The following ITPR3 variants were observed in gnomAD, a reference collection of about 807,000 sequenced individuals.
ITPR3 encodes inositol 1,4,5-trisphosphate receptor type 3, also known as inositol 1,4,5-trisphosphate-gated calcium channel ITPR3.
In ITPR3, 173 loss-of-function variants were observed where a neutral mutation model predicts 293.2. The observed-to-expected ratio is 0.59, with a 90% CI of 0.52 to 0.67. The LOEUF (loss-of-function observed/expected upper bound fraction) is 0.67. Ranked by LOEUF, ITPR3 falls within the 30% of genes least tolerant of loss-of-function variation. ITPR3 has a pLI of 0.00. For synonymous variants in ITPR3, 1,295 were observed against 1,444.4 expected, an observed-to-expected ratio of 0.90 and a Z score of 2.35; for missense variants, 2,796 against 3,592.1, an observed-to-expected ratio of 0.78 and a Z score of 5.66.
Position 33,690,986 on chromosome 6 carries a change from TCCATCCTGCTGACAGC to T in ITPR3, c.7105_7120del (p.Ile2369CysfsTer86). ...CAAGAGTGTGACCCGCAATGGCCGC[TCCATCCTGCTGACAGC>T]CCTGCTGGCCCTCATCCTGGTCTAC... is the stretch of plus-strand genomic sequence containing the variant. On this transcript the variant is annotated frameshift_variant, in exon 52 of 58. Coordinates refer to ENST00000605930, the MANE Select transcript of ITPR3 (RefSeq NM_002224.4). LOFTEE classifies it high-confidence loss of function. 6 of 1,614,176 alleles carry T rather than the reference TCCATCCTGCTGACAGC, an allele frequency of 3.7e-6. No individual in the cohort carries two copies. Among genetic ancestry groups the T allele is most frequent in the Non-Finnish European group, 5.1e-6 (6 of 1,180,024 alleles).
Position 33,678,676 on chromosome 6 carries a change from A to T in ITPR3, c.3809A>T (p.Asn1270Ile). Reference sequence around the variant, plus strand: ...GAGACCATGCAGCACATCTTCCTGAACAACTATCAGCTCTGCTCCGAGATC... The same window carrying T: ...GAGACCATGCAGCACATCTTCCTGATCAACTATCAGCTCTGCTCCGAGATC... Reference protein sequence around the residue: ...EAETMQHIFLNNYQLCSEISE... With the variant: ...EAETMQHIFLINYQLCSEISE... Residue 1270 changes from asparagine to isoleucine, a missense_variant, in exon 30 of 58, where the codon AAC becomes ATC. Coordinates refer to ENST00000605930, the MANE Select transcript of ITPR3 (RefSeq NM_002224.4). The T allele has an allele frequency of 6.2e-7, 1 of 1,613,106 alleles. No individual in the cohort carries two copies. The highest frequency in any genetic ancestry group is 8.5e-7 in the Non-Finnish European group (1 of 1,179,826).
intron 2 of ITPR3, among the ~76,000 whole-genome samples, chr6:33,648,048 A>T (rs970407653): frequency 6.7e-6 from 1 of 148,980 alleles, no homozygotes; most frequent in African/African-American, 2.5e-5. Context: ...AAATGTTATG[A>T]TTATTCTATT....
chr6:33,669,948 T>C (rs1764711730), intron 18 of ITPR3, among the ~76,000 whole-genome samples: 1 of 152,086 alleles, frequency 6.6e-6, no homozygotes, highest in Non-Finnish European at 1.5e-5. Flanking sequence ...ATCCCCTCTA[T>C]CAAGGTTGCA....
intron 2 of ITPR3, among the ~76,000 whole-genome samples, chr6:33,653,028 C>G (rs1390799764): frequency 6.6e-6 from 1 of 152,090 alleles, no homozygotes; most frequent in African/African-American, 2.4e-5. Context: ...CTGCCTTAGT[C>G]CCCCAAGTAG....
chr6:33,695,623 G>A (rs772925718), intron 57 of ITPR3, 89 bp from the exon 58 acceptor site: 4 of 1,328,900 alleles, frequency 3.0e-6, no homozygotes, highest in Non-Finnish European at 4.3e-6. Flanking sequence ...GCCCACAGGG[G>A]AAGACGGGTG....
intron 43 of ITPR3, 41 bp from the exon 44 acceptor site, chr6:33,686,968 T>C (rs1289037712): frequency 6.7e-7 from 1 of 1,500,504 alleles, no homozygotes; most frequent in Non-Finnish European, 9.3e-7. Context: ...GGGCATGGTG[T>C]CCTGAGACTG....
At chr6:33,657,338 G>T (rs1309880605) in intron 3 of ITPR3, among the ~76,000 whole-genome samples, 1 of 152,202 alleles carries the variant, frequency 6.6e-6, no homozygotes, top group Non-Finnish European at 1.5e-5. Flanking sequence ...GTCTCTAATG[G>T]GATGCAAACC....
At position 33,679,792 on chromosome 6, in the gene ITPR3, G is replaced by A; in HGVS notation, c.3973-90G>A. On this transcript the variant is annotated intron_variant, in intron 30 of 57. Coordinates refer to ENST00000605930, the MANE Select transcript of ITPR3 (RefSeq NM_002224.4). This position sits in a 1 kb window ranked among gnomAD's most constrained non-coding sequence, Gnocchi z 4.2. ...ATTTCAGGTAAGGGCTGTGGTCAGAGTCCCAGTTTCTCCCTGGTAAGCAAC... is the reference window on the plus strand; with the variant it reads ...ATTTCAGGTAAGGGCTGTGGTCAGAATCCCAGTTTCTCCCTGGTAAGCAAC... The A allele has an allele frequency of 3.4e-6, 5 of 1,487,166 alleles. No individual in the cohort carries two copies. Among genetic ancestry groups the A allele is most frequent in the Non-Finnish European group, 4.5e-6 (5 of 1,104,518 alleles). The allele number at this position is 1,487,166 out of a possible 1,614,324, so 92.1% of individuals were successfully genotyped here. A position where few individuals can be genotyped will look rare whatever the true frequency, so the allele number is the denominator to read the frequency against.
chr6:33,688,514 T>C (rs1467686016), intron 48 of ITPR3, 83 bp downstream of exon 48: 5 of 1,500,340 alleles, frequency 3.3e-6, no homozygotes, highest in Non-Finnish European at 4.4e-6. Flanking sequence ...TGCCTGCCTG[T>C]GGGTGCCCTG....
rs368153341 is a variant in ITPR3, at chr6:33,670,722, C to G, written c.2493C>G (p.Ala831=). 6.2e-6 allele frequency: 10 copies of G among 1,614,020 alleles called. No homozygotes were observed. Among genetic ancestry groups the G allele is most frequent in the East Asian group, 4.5e-5 (2 of 44,888 alleles). The change falls in exon 20 of 58, where the codon GCC becomes GCG. Residue 831 remains alanine, a synonymous_variant. Coordinates refer to ENST00000605930, the MANE Select transcript of ITPR3 (RefSeq NM_002224.4). This position sits in a 1 kb window ranked among gnomAD's most constrained non-coding sequence, Gnocchi z 6.7. ...ASRDDKKNKF[A]NTMEFVEDYL... ...GAGATGACAAGAAGAACAAGTTTGC[C>G]AACACCATGGAGTTCGTGGAGGACT...
In ITPR3 at chr6:33,686,416, T is replaced by C. The variant is rs112448999; in HGVS notation, c.5876T>C (p.Ile1959Thr). ...CCCACTGCCTCCTGCCAGACTTGCA[T>C]TGTGACTCACGAGTCCAATGGCATA... ...QGPCHENQTC[I>T]VTHESNGIDI... Residue 1959 changes from isoleucine to threonine, a missense_variant, in exon 43 of 58, where the codon ATT becomes ACT. By Grantham distance (89) the Ile-to-Thr change is moderately conservative. Transcript: ENST00000605930. The C allele has an allele frequency of 1.9e-4, 307 of 1,613,934 alleles. No individual in the cohort carries two copies. Among genetic ancestry groups the C allele is most frequent in the Non-Finnish European group, 2.2e-4 (255 of 1,179,874 alleles).
Position 33,670,666 on chromosome 6 carries a change from C to G in ITPR3, c.2442-5C>G, listed in dbSNP as rs757393875. On this transcript the variant is annotated splice_region_variant and splice_polypyrimidine_tract_variant and intron_variant, in intron 19 of 57. Transcript: ENST00000605930. This position sits in a 1 kb window ranked among gnomAD's most constrained non-coding sequence, Gnocchi z 6.7. Reference sequence around the variant, plus strand: ...ACCTTCATGCCTCATGGCCTCCACCCTCAGCTATGATTCCAACCTCAACGC... The same window carrying G: ...ACCTTCATGCCTCATGGCCTCCACCGTCAGCTATGATTCCAACCTCAACGC... 1 of 1,614,036 alleles carries G rather than the reference C, an allele frequency of 6.2e-7. No individual in the cohort carries two copies. The highest frequency in any genetic ancestry group is 8.5e-7 in the Non-Finnish European group (1 of 1,180,012).
At chr6:33,689,970 A>G (rs1392957922) in intron 50 of ITPR3, 64 bp from the exon 51 acceptor site, 5 of 1,581,384 alleles carry the variant, frequency 3.2e-6, no homozygotes, top group Non-Finnish European at 4.3e-6. Flanking sequence ...GCACTGGGGG[A>G]CATGCGTGCA....
rs764231794 is a variant in ITPR3, at chr6:33,662,660, CT to C, written c.845del (p.Leu282ProfsTer227). On this transcript the variant is annotated frameshift_variant, in exon 8 of 58. Transcript: ENST00000605930. LOFTEE classifies it high-confidence loss of function. ...SATSATSSNALWEVEVVHHDP... is the reference protein window; with the variant it reads ...SATSATSSNAXWEVEVVHHDP... ...CACCTCGGCCACCAGCTCCAATGCTCTCTGGGAGGTGGAGGTCAGAAAAGCC... is the reference window on the plus strand; with the variant it reads ...CACCTCGGCCACCAGCTCCAATGCTCCTGGGAGGTGGAGGTCAGAAAAGCC... 4 of 1,608,158 alleles carry C rather than the reference CT, an allele frequency of 2.5e-6. No homozygotes were observed. In the Admixed American group the frequency reaches 6.7e-5, roughly 27 times the overall value.
In ITPR3 at chr6:33,667,157, G is replaced by A. The variant is rs377347193; in HGVS notation, c.1580G>A (p.Arg527His). The A allele has an allele frequency of 1.4e-5, 23 of 1,614,010 alleles. No homozygotes were observed. In the East Asian group the frequency reaches 3.1e-4, roughly 22 times the overall value. ...QVFGILKAPF[R>H]EKGGEGPLVR... is the part of the protein sequence containing the mutation. ...TTTGGCATTCTGAAGGCCCCGTTCC[G>A]TGAGAAGGGGGGTGAAGGTCCCCTG... The change falls in exon 15 of 58, where the codon CGT (arginine) becomes CAT (histidine). Residue 527 changes from arginine to histidine, a missense_variant. Coordinates refer to ENST00000605930, the MANE Select transcript of ITPR3 (RefSeq NM_002224.4). The surrounding 1 kb of genome is among the most constrained non-coding windows in gnomAD (Gnocchi z 4.4).
Position 33,686,138 on chromosome 6 carries a change from C to T in ITPR3, c.5753C>T (p.Thr1918Ile). 2 of 1,614,194 alleles carry T rather than the reference C, an allele frequency of 1.2e-6. No individual in the cohort carries two copies. The highest frequency in any genetic ancestry group is 1.7e-6 in the Non-Finnish European group (2 of 1,180,042). The change falls in exon 42 of 58, where the codon ACC becomes ATC. Residue 1918 changes from threonine to isoleucine, a missense_variant. Around this residue, in one of 8 missense-constraint regions of ITPR3, gnomAD observed 704 missense variants for 797.5 expected, o/e 0.88. Coordinates refer to ENST00000605930, the MANE Select transcript of ITPR3 (RefSeq NM_002224.4). ...TTCCTGGACATCATGTGCGGCAGCA[C>T]CACGGGCGGCCTGGGGCTGCTGGGG... ...LQFLDIMCGS[T>I]TGGLGLLGLY... is the part of the protein sequence containing the mutation.
In ITPR3 at chr6:33,658,371, G is replaced by A. The variant is rs1418293337; in HGVS notation, c.370-299G>A. On this transcript the variant is annotated intron_variant, in intron 4 of 57. Coordinates refer to ENST00000605930, the MANE Select transcript of ITPR3 (RefSeq NM_002224.4). This position sits in a 1 kb window ranked among gnomAD's most constrained non-coding sequence, Gnocchi z 6.1. ...GTTTCCCCATCTGTGAAATCAGGCA[G>A]TAATAGTACTTCCCTCTTGGATCGT... Among the ~76,000 whole-genome samples, 1 of 152,130 alleles carries A rather than the reference G, an allele frequency of 6.6e-6. No individual in the cohort carries two copies. Among genetic ancestry groups the A allele is most frequent in the Non-Finnish European group, 1.5e-5 (1 of 68,026 alleles).
chr6:33,682,410 T>G lies in ITPR3; in HGVS notation c.4477-114T>G. 6.3e-6 allele frequency: 8 copies of G among 1,265,796 alleles called. No homozygotes were observed. Among genetic ancestry groups the G allele is most frequent in the Non-Finnish European group, 8.5e-6 (8 of 942,346 alleles). 78.4% of individuals were successfully genotyped at this position (1,265,796 alleles called of 1,614,324 possible). A position where few individuals can be genotyped will look rare whatever the true frequency, so the allele number is the denominator to read the frequency against. ...TGGCACAGAGGCACATGGTGGCTAG[T>G]GAAGGCTCCGTCTCTCCACCCATGC... On this transcript the variant is annotated intron_variant, in intron 33 of 57. Coordinates refer to ENST00000605930, the MANE Select transcript of ITPR3 (RefSeq NM_002224.4). This position sits in a 1 kb window ranked among gnomAD's most constrained non-coding sequence, Gnocchi z 5.4.
chr6:33,671,071 G>A (rs916602002), intron 20 of ITPR3, 94 bp from the exon 21 acceptor site: 9 of 1,557,790 alleles, frequency 5.8e-6, no homozygotes, highest in East Asian at 2.3e-5. Context: ...CGCCCCTTTC[G>A]CCCTAGTTTC....
Sources: gnomAD v4.1 joint callset for allele counts (sites outside exome capture counted in the v4.1 genomes callset) on GRCh38, gnomAD v4.1.1 for gene constraint, gnomAD v4.1.1 regional missense constraint, Gnocchi (gnomAD v3.1) non-coding constraint, MANE v1.5 for transcripts, NCBI Gene and HGNC (gene_info 2026-07-23, HGNC 2026-07-21) for gene names.